The following SMYD3 variants were observed in gnomAD, a reference collection of about 807,000 sequenced individuals.
SMYD3 encodes histone-lysine N-methyltransferase SMYD3.
In SMYD3, 36 loss-of-function variants were observed where a neutral mutation model predicts 57.7. That is an observed-to-expected ratio of 0.62 (90% CI 0.48 to 0.82). The LOEUF is 0.82. Ranked by LOEUF, SMYD3 falls within the 40% of genes least tolerant of loss-of-function variation. The probability of loss-of-function intolerance (pLI) is 0.00; values close to 1 mark genes in which losing one functional copy is unlikely to be tolerated. For missense variants in SMYD3, 515 were observed against 538.8 expected (o/e 0.96, Z 0.44); for synonymous variants, 211 against 195.0 (o/e 1.08, Z -0.68).
At chr1:246,311,638 GACACGCATACACACACGCGC>G (rs2065081117) in intron 5 of SMYD3, among the ~76,000 whole-genome samples, 1 of 152,142 alleles carries the variant, frequency 6.6e-6, no homozygotes, top group African/African-American at 2.4e-5. Flanking sequence ...GCACACGCGT[GACACGCATACACACACGCGC>G]ACGCGCGCAC....
intron 10 of SMYD3, among the ~76,000 whole-genome samples, chr1:245,781,968 C>CA (rs11370898): frequency 0.27 from 40,929 of 149,048 alleles, 6,422 homozygotes; most frequent in East Asian, 0.79. Flanking sequence ...GACTATGTCT[C>CA]AAAAAAAAAA....
intron 5 of SMYD3, among the ~76,000 whole-genome samples, chr1:246,265,887 A>C (rs1452099791): frequency 6.6e-6 from 1 of 152,218 alleles, no homozygotes; most frequent in Non-Finnish European, 1.5e-5. Flanking sequence ...GTTAATGAGA[A>C]GATGGATTTT....
chr1:246,197,674 A>G (rs2062846725), intron 5 of SMYD3, among the ~76,000 whole-genome samples: 1 of 152,218 alleles, frequency 6.6e-6, no homozygotes, highest in South Asian at 2.1e-4. Flanking sequence ...ATACTGGTAC[A>G]GACACTGGGT....
chr1:245,903,238 A>G (rs1340445107), intron 8 of SMYD3, among the ~76,000 whole-genome samples: 2 of 152,222 alleles, frequency 1.3e-5, no homozygotes, highest in Non-Finnish European at 2.9e-5. Flanking sequence ...GATCATGAAG[A>G]AGGAATTTCT....
chr1:246,245,274 C>G (rs1039842153), intron 5 of SMYD3, among the ~76,000 whole-genome samples: 1 of 152,054 alleles, frequency 6.6e-6, no homozygotes, highest in Non-Finnish European at 1.5e-5. Context: ...AAGACCCTGT[C>G]TCTAGTAAAA....
intron 5 of SMYD3, among the ~76,000 whole-genome samples, chr1:246,301,152 C>T (rs958287231): frequency 1.1e-4 from 16 of 152,014 alleles, no homozygotes; most frequent in African/African-American, 3.6e-4. Flanking sequence ...GCCTATTAAG[C>T]ATAAATGGGA....
At chr1:246,106,151 C>A (rs6681797) in intron 5 of SMYD3, among the ~76,000 whole-genome samples, 17,908 of 152,058 alleles carry the variant, frequency 0.12, 1,524 homozygotes, top group African/African-American at 0.24. Context: ...AACCCATATC[C>A]GGAAAATTAA....
chr1:246,247,256 C>T (rs10924615), intron 5 of SMYD3, among the ~76,000 whole-genome samples: 31,421 of 151,788 alleles, frequency 0.21, 3,962 homozygotes, highest in East Asian at 0.58. Context: ...TGTGCAAGTA[C>T]AGAAGAAAAT....
At chr1:246,078,820 A>G (rs902048376) in intron 5 of SMYD3, among the ~76,000 whole-genome samples, 2 of 152,220 alleles carry the variant, frequency 1.3e-5, no homozygotes, top group African/African-American at 4.8e-5. Flanking sequence ...GAGAGGGAAA[A>G]GTCAACGATG....
chr1:246,357,259 A>G (rs2065922391), intron 1 of SMYD3, among the ~76,000 whole-genome samples: 1 of 152,158 alleles, frequency 6.6e-6, no homozygotes, highest in Non-Finnish European at 1.5e-5. Context: ...CTGCTGATAA[A>G]ACAGGTTGCA....
At chr1:246,216,733 G>T (rs959252332) in intron 5 of SMYD3, among the ~76,000 whole-genome samples, 1 of 152,140 alleles carries the variant, frequency 6.6e-6, no homozygotes, top group Non-Finnish European at 1.5e-5. Flanking sequence ...TAAAATTCAT[G>T]ATTTAAGTGA....
intron 5 of SMYD3, among the ~76,000 whole-genome samples, chr1:246,232,557 A>T (rs571267567): frequency 6.6e-6 from 1 of 150,958 alleles, no homozygotes; most frequent in Admixed American, 6.6e-5. Context: ...CACACAGAGG[A>T]GAAGCGCTCC....
At chr1:245,812,701 C>A (rs200020608) in intron 10 of SMYD3, among the ~76,000 whole-genome samples, 24,085 of 129,404 alleles carry the variant, frequency 0.19, 3,173 homozygotes, top group African/African-American at 0.35. Flanking sequence ...ACAACAGTTC[C>A]AAAAAAAAAA....
At chr1:246,288,723 A>G (rs1292842344) in intron 5 of SMYD3, among the ~76,000 whole-genome samples, 1 of 152,228 alleles carries the variant, frequency 6.6e-6, no homozygotes, top group Non-Finnish European at 1.5e-5. Context: ...AAACAGAAGC[A>G]CCATTAAGGG....
chr1:246,291,572 G>A (rs932913782), intron 5 of SMYD3, among the ~76,000 whole-genome samples: 16 of 152,116 alleles, frequency 1.1e-4, no homozygotes, highest in South Asian at 2.1e-4. Context: ...GTGATTTGCC[G>A]TCACTTTGAG....
chr1:245,945,737 TA>T (rs1234279367), intron 5 of SMYD3, among the ~76,000 whole-genome samples: 13 of 152,032 alleles, frequency 8.6e-5, no homozygotes, highest in Non-Finnish European at 1.8e-4. Flanking sequence ...ATAGACTGGA[TA>T]AAAAAATCAT....
intron 5 of SMYD3, among the ~76,000 whole-genome samples, chr1:245,932,694 G>A (rs1558508373): frequency 6.6e-6 from 1 of 152,154 alleles, no homozygotes; most frequent in Non-Finnish European, 1.5e-5. Context: ...GGGTAACTGG[G>A]ACTACAGGCT....
intron 10 of SMYD3, among the ~76,000 whole-genome samples, chr1:245,852,669 C>T (rs2051037712): frequency 6.6e-6 from 1 of 152,158 alleles, no homozygotes; most frequent in Non-Finnish European, 1.5e-5. Flanking sequence ...TTCATCTTCC[C>T]TCTTTCTCTA....
At chr1:246,423,516 C>G (rs566594160) in intron 1 of SMYD3, among the ~76,000 whole-genome samples, 20 of 151,788 alleles carry the variant, frequency 1.3e-4, no homozygotes, top group Non-Finnish European at 2.6e-4. Flanking sequence ...GCCTGGGAAG[C>G]ATAACAAGAC....
Sources: gnomAD v4.1 joint callset for allele counts (sites outside exome capture counted in the v4.1 genomes callset) on GRCh38, gnomAD v4.1.1 for gene constraint, MANE v1.5 for transcripts, NCBI Gene and HGNC (gene_info 2026-07-23, HGNC 2026-07-21) for gene names.